Variants in TTBK2 observed in about 807,000 individuals in gnomAD.
TTBK2 encodes the protein tau-tubulin kinase 2.
Under a neutral mutation model 110.8 loss-of-function variants are expected in TTBK2, and 28 were observed. The ratio of observed to expected loss-of-function variants is 0.25; its 90% CI spans 0.19 to 0.35. The LOEUF (loss-of-function observed/expected upper bound fraction) is 0.35, where lower values mean the gene tolerates loss of function less well. Ranked by LOEUF, TTBK2 falls within the 10% of genes least tolerant of loss-of-function variation. The pLI is 1.00. For missense variants in TTBK2, 1,369 were observed against 1,500.3 expected (o/e 0.91, Z 1.45); for synonymous variants, 532 against 527.3 (o/e 1.01, Z -0.12).
At chr15:42,754,569 G>C (rs1356320505) in intron 13 of TTBK2, among the ~76,000 whole-genome samples, 1 of 150,826 alleles carries the variant, frequency 6.6e-6, no homozygotes, top group Non-Finnish European at 1.5e-5. Flanking sequence ...GCTAATTTCT[G>C]TATTTTTAGT....
At chr15:42,795,496 G>C (rs1460450223) in intron 9 of TTBK2, among the ~76,000 whole-genome samples, 2 of 151,956 alleles carry the variant, frequency 1.3e-5, no homozygotes, top group Admixed American at 1.3e-4. Flanking sequence ...TATGATTATA[G>C]CTTTATTCTC....
At position 42,775,425 on chromosome 15, in the gene TTBK2, C is replaced by T. The variant is rs2140757377; in HGVS notation, c.1708G>A (p.Val570Ile). 1 of 1,614,250 alleles carries T rather than the reference C, an allele frequency of 6.2e-7. No individual in the cohort carries two copies. Among genetic ancestry groups the T allele is most frequent in the Non-Finnish European group, 8.5e-7 (1 of 1,180,044 alleles). Residue 570 changes from valine (V) to isoleucine (I), a missense_variant, in exon 13 of 15, where the codon GTA (valine) becomes ATA (isoleucine). Physicochemically the swap from Val to Ile is conservative, Grantham distance 29. Transcript: ENST00000267890. Reference sequence around the variant, plus strand: ...GGACTTCCAGTTGTTTTATGTCCTACAGCCTCATTTGTCCTAAAATCCTGA... The same window carrying T: ...GGACTTCCAGTTGTTTTATGTCCTATAGCCTCATTTGTCCTAAAATCCTGA... ...DLQDFRTNEAVGHKTTGSPSD... is the reference protein window; with the variant it reads ...DLQDFRTNEAIGHKTTGSPSD...
intron 1 of TTBK2, chr15:42,919,765 T>C (rs1299640868): frequency 5.1e-6 from 5 of 984,874 alleles, no homozygotes; most frequent in Non-Finnish European, 6.0e-6. Flanking sequence ...TTACCTCTAC[T>C]GTAGCCTCGA....
chr15:42,908,580 A>G (rs2030555874), intron 1 of TTBK2, among the ~76,000 whole-genome samples: 1 of 152,230 alleles, frequency 6.6e-6, no homozygotes, highest in African/African-American at 2.4e-5. Flanking sequence ...AGAAGAAAGT[A>G]TTTAAATTAA....
chr15:42,836,892 G>A (rs1471331660), intron 4 of TTBK2, among the ~76,000 whole-genome samples: 1 of 152,152 alleles, frequency 6.6e-6, no homozygotes, highest in African/African-American at 2.4e-5. Context: ...ACCTCCTTGA[G>A]ACTCAGCTTC....
chr15:42,853,703 C>T (rs548091994), intron 3 of TTBK2, among the ~76,000 whole-genome samples: 14 of 152,170 alleles, frequency 9.2e-5, no homozygotes, highest in South Asian at 2.1e-4. Context: ...TAACCAACAT[C>T]GTCAGATTGA....
intron 9 of TTBK2, among the ~76,000 whole-genome samples, chr15:42,796,340 C>A (rs780647892): frequency 3.3e-5 from 5 of 152,022 alleles, no homozygotes; most frequent in South Asian, 2.1e-4. Flanking sequence ...GCAGAGACTG[C>A]AGTGAGCCAA....
At chr15:42,779,080 G>A (rs1312645273) in intron 11 of TTBK2, among the ~76,000 whole-genome samples, 1 of 152,210 alleles carries the variant, frequency 6.6e-6, no homozygotes, top group Non-Finnish European at 1.5e-5. Flanking sequence ...GAACACCAGT[G>A]ACTGAAGCCA....
intron 14 of TTBK2, among the ~76,000 whole-genome samples, chr15:42,749,475 G>A (rs1400583039): frequency 6.6e-6 from 1 of 152,184 alleles, no homozygotes; most frequent in Admixed American, 6.5e-5. Context: ...CGGCCCCATG[G>A]CAGGCAGCTG....
chr15:42,801,268 C>A, intron 9 of TTBK2: 1 of 1,544,270 alleles, frequency 6.5e-7, no homozygotes, highest in South Asian at 1.2e-5. Context: ...ATATCCAGGG[C>A]CAGCTTGACG....
At chr15:42,872,951 C>T (rs1035768456) in intron 2 of TTBK2, among the ~76,000 whole-genome samples, 193 bp from the exon 3 acceptor site, 1 of 152,060 alleles carries the variant, frequency 6.6e-6, no homozygotes. Flanking sequence ...AAACCTTTCC[C>T]CACAGGTTTA....
At chr15:42,831,159 T>C (rs1328646431) in intron 4 of TTBK2, among the ~76,000 whole-genome samples, 1 of 152,024 alleles carries the variant, frequency 6.6e-6, no homozygotes, top group Non-Finnish European at 1.5e-5. Flanking sequence ...AGTTTCCTCA[T>C]AAAAACAAGC....
chr15:42,814,043 A>G (rs1300907315), intron 7 of TTBK2, among the ~76,000 whole-genome samples: 1 of 152,092 alleles, frequency 6.6e-6, no homozygotes, highest in Non-Finnish European at 1.5e-5. Flanking sequence ...TTTTTGAGAC[A>G]GAGTCTCGTT....
At chr15:42,835,110 AAAG>A (rs1323374527) in intron 4 of TTBK2, among the ~76,000 whole-genome samples, 2 of 152,344 alleles carry the variant, frequency 1.3e-5, no homozygotes, top group Non-Finnish European at 1.5e-5. Context: ...CTAGTAAACA[AAAG>A]AAGAATAAAA....
At chr15:42,898,438 G>C (rs113183563) in intron 1 of TTBK2, among the ~76,000 whole-genome samples, 1 of 151,798 alleles carries the variant, frequency 6.6e-6, no homozygotes, top group African/African-American at 2.4e-5. Flanking sequence ...CCAGCTACTC[G>C]GGAGGCAGAG....
chr15:42,863,313 T>C (rs951347992), intron 3 of TTBK2, among the ~76,000 whole-genome samples: 6 of 151,712 alleles, frequency 4.0e-5, no homozygotes, highest in African/African-American at 1.5e-4. Flanking sequence ...CCTGTTTAAA[T>C]AGCCACCAAA....
At chr15:42,913,467 G>A (rs536426543) in intron 1 of TTBK2, among the ~76,000 whole-genome samples, 14 of 151,990 alleles carry the variant, frequency 9.2e-5, no homozygotes, top group Middle Eastern at 3.4e-3. Flanking sequence ...GTGAAACCCC[G>A]TCTCTACTAA....
At chr15:42,760,104 G>A (rs2140648757) in intron 13 of TTBK2, among the ~76,000 whole-genome samples, 1 of 152,188 alleles carries the variant, frequency 6.6e-6, no homozygotes, top group East Asian at 1.9e-4. Flanking sequence ...GAATTAAATG[G>A]GCCGGGTGTG....
At chr15:42,868,188 G>C (rs777960025) in intron 3 of TTBK2, among the ~76,000 whole-genome samples, 2 of 152,138 alleles carry the variant, frequency 1.3e-5, no homozygotes, top group African/African-American at 2.4e-5. Context: ...CCTGACATAC[G>C]ATGGTTCAAC....
Sources: gnomAD v4.1 joint callset for allele counts (sites outside exome capture counted in the v4.1 genomes callset) on GRCh38, gnomAD v4.1.1 for gene constraint, MANE v1.5 for transcripts, NCBI Gene and HGNC (gene_info 2026-07-23, HGNC 2026-07-21) for gene names.